SOX5: variants seen among roughly 807,000 people sequenced by gnomAD.
The protein encoded by SOX5 is SRY-box transcription factor 5.
SOX5 carries 9 observed loss-of-function variants against 92.0 expected under a neutral mutation model. That is an observed-to-expected ratio of 0.10 (90% CI 0.06 to 0.17). The LOEUF (loss-of-function observed/expected upper bound fraction) is 0.17, where lower values mean the gene tolerates loss of function less well. Ranked by LOEUF, SOX5 falls within the 10% of genes least tolerant of loss-of-function variation. SOX5 has a pLI of 1.00. For synonymous variants in SOX5, 344 were observed against 336.3 expected (o/e 1.02, Z -0.25); for missense variants, 642 against 944.5 (o/e 0.68, Z 4.20).
At chr12:23,743,271 T>G (rs1274186506) in intron 4 of SOX5, among the ~76,000 whole-genome samples, 2 of 152,140 alleles carry the variant, frequency 1.3e-5, no homozygotes, top group Non-Finnish European at 2.9e-5. Context: ...TAATAGTAGC[T>G]ATTTCTAAGT....
At chr12:23,931,716 C>T (rs936429060) in intron 1 of SOX5, among the ~76,000 whole-genome samples, 2 of 151,540 alleles carry the variant, frequency 1.3e-5, no homozygotes, top group African/African-American at 4.8e-5. Context: ...CAGTGAATGA[C>T]AAATGAGGAA....
chr12:24,078,336 G>C (rs1942907838), intron 4 of SOX5, among the ~76,000 whole-genome samples: 1 of 152,012 alleles, frequency 6.6e-6, no homozygotes, highest in East Asian at 1.9e-4. Flanking sequence ...AAAAAGGAAA[G>C]CTTGACAGAA....
At chr12:24,113,224 A>C (rs1243597657) in intron 4 of SOX5, among the ~76,000 whole-genome samples, 1 of 149,402 alleles carries the variant, frequency 6.7e-6, no homozygotes, top group African/African-American at 2.4e-5. Flanking sequence ...GAAATGATCA[A>C]CTCAGATACT....
chr12:23,535,115 A>C (rs538740500), intron 14 of SOX5, among the ~76,000 whole-genome samples: 1 of 152,332 alleles, frequency 6.6e-6, no homozygotes, highest in Non-Finnish European at 1.5e-5. Flanking sequence ...TAAAAAACTG[A>C]GGTGCAGAAA....
At chr12:24,067,827 G>A (rs1941020433) in intron 4 of SOX5, among the ~76,000 whole-genome samples, 1 of 152,176 alleles carries the variant, frequency 6.6e-6, no homozygotes, top group Non-Finnish European at 1.5e-5. Context: ...AAATAAATAA[G>A]CAACATGGAT....
chr12:23,685,246 T>G (rs1487126264), intron 6 of SOX5, among the ~76,000 whole-genome samples: 2 of 152,106 alleles, frequency 1.3e-5, no homozygotes, highest in Non-Finnish European at 2.9e-5. Context: ...TTCTTCTTTC[T>G]ATTCTCCTGC....
chr12:23,583,143 C>T lies in SOX5; in HGVS notation c.1165-7305G>A, dbSNP rs145967549. 3.7e-3 allele frequency among the ~76,000 whole-genome samples: 565 copies of T among 152,136 alleles called. 5 individuals carry two copies. Among genetic ancestry groups the T allele is most frequent in the African/African-American group, 0.012 (492 of 41,544 alleles). ...TTGAATTAATCCAAATAGTGCCACACCATTCCTTTTTACATTTTCCTTCCT... is the reference window on the plus strand; with the variant it reads ...TTGAATTAATCCAAATAGTGCCACATCATTCCTTTTTACATTTTCCTTCCT... On this transcript the variant is annotated intron_variant, in intron 9 of 14. Coordinates refer to ENST00000451604, the MANE Select transcript of SOX5 (RefSeq NM_006940.6).
chr12:24,236,391 G>A (rs983251815), intron 3 of SOX5, among the ~76,000 whole-genome samples: 1 of 152,042 alleles, frequency 6.6e-6, no homozygotes, highest in Non-Finnish European at 1.5e-5. Context: ...TAATGATATA[G>A]AGTTACCACC....
intron 11 of SOX5, among the ~76,000 whole-genome samples, chr12:23,561,353 G>A (rs900983337): frequency 3.9e-5 from 6 of 152,138 alleles, no homozygotes; most frequent in Non-Finnish European, 8.8e-5. Flanking sequence ...ATGGAATAAA[G>A]TGAATGCAGA....
intron 3 of SOX5, among the ~76,000 whole-genome samples, chr12:23,828,099 T>G (rs141777640): frequency 4.4e-4 from 67 of 152,352 alleles, no homozygotes; most frequent in African/African-American, 1.6e-3. Flanking sequence ...ATATTTCTAC[T>G]GTACCTTTTT....
intron 1 of SOX5, among the ~76,000 whole-genome samples, chr12:24,460,106 T>G (rs1943460219): frequency 6.6e-6 from 1 of 152,156 alleles, no homozygotes; most frequent in South Asian, 2.1e-4. Flanking sequence ...AGGGTAGGGG[T>G]GCAAAATGAC....
chr12:24,080,242 T>C (rs756861438), intron 4 of SOX5, among the ~76,000 whole-genome samples: 1 of 151,948 alleles, frequency 6.6e-6, no homozygotes, highest in Non-Finnish European at 1.5e-5. Flanking sequence ...AGAAACAGTA[T>C]TAATAACTAC....
Position 23,733,745 on chromosome 12 carries a change from C to T in SOX5, c.810+939G>A, listed in dbSNP as rs1450378478. 3.9e-5 allele frequency among the ~76,000 whole-genome samples: 6 copies of T among 152,260 alleles called. No homozygotes were observed. In the South Asian group the frequency reaches 6.2e-4, roughly 16 times the overall value. On this transcript the variant is annotated intron_variant, in intron 6 of 14. Coordinates refer to ENST00000451604, the MANE Select transcript of SOX5 (RefSeq NM_006940.6). Reference sequence around the variant, plus strand: ...TGCTTCCTGTCATTTATGATATTTACACTTAATAAAATATGTTGGATCTCA... The same window carrying T: ...TGCTTCCTGTCATTTATGATATTTATACTTAATAAAATATGTTGGATCTCA...
chr12:23,636,538 T>C (rs1049074099), intron 8 of SOX5, among the ~76,000 whole-genome samples: 8 of 152,140 alleles, frequency 5.3e-5, no homozygotes, highest in African/African-American at 1.9e-4. Flanking sequence ...AAAACACATA[T>C]GGTAGGTAAA....
At chr12:23,874,314 A>T (rs1247065782) in intron 2 of SOX5, among the ~76,000 whole-genome samples, 1 of 152,176 alleles carries the variant, frequency 6.6e-6, no homozygotes, top group African/African-American at 2.4e-5. Flanking sequence ...TCAAAGAGGA[A>T]ATAAATCCCA....
At chr12:23,709,006 T>G (rs1224556053) in intron 6 of SOX5, among the ~76,000 whole-genome samples, 1 of 152,176 alleles carries the variant, frequency 6.6e-6, no homozygotes, top group Non-Finnish European at 1.5e-5. Flanking sequence ...ATTGTTGTAT[T>G]GACTAAGAAT....
At chr12:24,152,172 T>A (rs1024075206) in intron 4 of SOX5, among the ~76,000 whole-genome samples, 1 of 152,172 alleles carries the variant, frequency 6.6e-6, no homozygotes, top group African/African-American at 2.4e-5. Context: ...TGTTTTTAAA[T>A]AAAAATGAAA....
At chr12:24,495,588 T>C (rs1947548201) in intron 1 of SOX5, among the ~76,000 whole-genome samples, 1 of 152,208 alleles carries the variant, frequency 6.6e-6, no homozygotes. Context: ...GAACAATGGT[T>C]TCTCGTAGGT....
chr12:23,611,797 T>A (rs542741470), intron 8 of SOX5, among the ~76,000 whole-genome samples: 28 of 152,198 alleles, frequency 1.8e-4, no homozygotes, highest in African/African-American at 6.7e-4. Flanking sequence ...GTGCAAAGTA[T>A]GTTATGTCCA....
Sources: allele counts gnomAD v4.1 joint callset (sites outside exome capture counted in the v4.1 genomes callset), GRCh38; gene constraint gnomAD v4.1.1; transcripts MANE v1.5; gene names NCBI Gene and HGNC (gene_info 2026-07-23, HGNC 2026-07-21).